NELL1: variants seen among roughly 807,000 people sequenced by gnomAD.
NELL1 encodes the protein neural EGFL like 1, also known as protein kinase C-binding protein NELL1.
In NELL1, 76 loss-of-function variants were observed where a neutral mutation model predicts 107.4. The observed-to-expected ratio is 0.71, with a 90% CI of 0.59 to 0.86. The LOEUF (loss-of-function observed/expected upper bound fraction) is 0.86, where lower values mean the gene tolerates loss of function less well. NELL1 is among the 40% of genes least tolerant of loss of function. The pLI, the probability that NELL1 is intolerant of heterozygous loss-of-function variation, is 0.00. For missense variants in NELL1, 1,024 were observed against 1,005.5 expected (o/e 1.02, Z -0.25); for synonymous variants, 353 against 341.2 (o/e 1.03, Z -0.38).
intron 2 of NELL1, among the ~76,000 whole-genome samples, chr11:20,684,187 G>A (rs1260029295): frequency 2.0e-5 from 3 of 151,714 alleles, no homozygotes; most frequent in Non-Finnish European, 4.4e-5. Context: ...CAGGAGGATT[G>A]CTTGAGTCCA....
At chr11:20,999,667 C>CTTCCA (rs1852171853) in intron 12 of NELL1, among the ~76,000 whole-genome samples, 1 of 151,328 alleles carries the variant, frequency 6.6e-6, no homozygotes, top group Non-Finnish European at 1.5e-5. Flanking sequence ...TCATATGTAT[C>CTTCCA]TTCCAGACCT....
chr11:20,945,466 G>A (rs1218064367), intron 10 of NELL1, among the ~76,000 whole-genome samples: 1 of 152,244 alleles, frequency 6.6e-6, no homozygotes, highest in Admixed American at 6.5e-5. Flanking sequence ...CTCTGAGAGT[G>A]ACAGAGGTGA....
At chr11:21,557,314 T>C (rs772254838) in intron 16 of NELL1, among the ~76,000 whole-genome samples, 3 of 152,098 alleles carry the variant, frequency 2.0e-5, no homozygotes, top group Non-Finnish European at 4.4e-5. Flanking sequence ...GCCCTGCTTT[T>C]ATTGTGCACA....
Position 21,548,652 on chromosome 11 carries a change from G to T in NELL1, c.1787-11537G>T, listed in dbSNP as rs1032518619. Among the ~76,000 whole-genome samples the T allele has an allele frequency of 2.6e-5, 4 of 151,764 alleles. No individual in the cohort carries two copies. The South Asian group carries it at 8.3e-4, about 32-fold the overall frequency. Reference sequence around the variant, plus strand: ...ATGGGAGCTACAAGACGAGATTTGGGTAGGGACCCAGAGCCAAACCATATC... The same window carrying T: ...ATGGGAGCTACAAGACGAGATTTGGTTAGGGACCCAGAGCCAAACCATATC... On this transcript the variant is annotated intron_variant, in intron 16 of 19. Coordinates refer to ENST00000357134, the MANE Select transcript of NELL1 (RefSeq NM_006157.5).
intron 13 of NELL1, among the ~76,000 whole-genome samples, chr11:21,175,340 T>C (rs533714450): frequency 8.1e-4 from 123 of 151,916 alleles, no homozygotes; most frequent in Non-Finnish European, 1.1e-3. Context: ...TCTCTTTTTT[T>C]CTAACTCGAG....
At chr11:21,186,145 T>G (rs113934342) in intron 13 of NELL1, among the ~76,000 whole-genome samples, 2,133 of 151,874 alleles carry the variant, frequency 0.014, 99 homozygotes, top group African/African-American at 0.048. Context: ...TGAGCTTAGG[T>G]CACATGATGG....
chr11:21,384,344 C>A (rs1851683884), intron 15 of NELL1, among the ~76,000 whole-genome samples: 2 of 151,952 alleles, frequency 1.3e-5, no homozygotes, highest in Admixed American at 1.3e-4. Flanking sequence ...GCCCACCTGC[C>A]TATTAAATTT....
intron 4 of NELL1, among the ~76,000 whole-genome samples, chr11:20,866,151 G>A (rs1236141908): frequency 2.0e-5 from 3 of 152,190 alleles, no homozygotes; most frequent in South Asian, 2.1e-4. Context: ...TCTGTGATGC[G>A]CAAGGAGCTT....
intron 2 of NELL1, among the ~76,000 whole-genome samples, chr11:20,700,130 A>C (rs1353580558): frequency 6.9e-6 from 1 of 145,614 alleles, no homozygotes; most frequent in Admixed American, 6.8e-5. Context: ...TTTAGAAAAA[A>C]CAAAAACAAA....
intron 16 of NELL1, 107 bp downstream of exon 16, chr11:21,534,621 G>A: frequency 8.5e-7 from 1 of 1,181,512 alleles, no homozygotes; most frequent in Admixed American, 2.1e-5. Context: ...ACCATTCATT[G>A]GTTAAATGCA....
intron 13 of NELL1, among the ~76,000 whole-genome samples, chr11:21,216,233 A>G (rs536421493): frequency 1.3e-5 from 2 of 152,340 alleles, no homozygotes; most frequent in South Asian, 4.1e-4. Flanking sequence ...CCTAGATTTC[A>G]GAGGATATAT....
intron 15 of NELL1, among the ~76,000 whole-genome samples, chr11:21,403,062 G>T (rs778907704): frequency 1.3e-5 from 2 of 151,748 alleles, no homozygotes; most frequent in Non-Finnish European, 2.9e-5. Flanking sequence ...GGAGGGCACT[G>T]TTTGCTGCTG....
chr11:21,280,421 G>A (rs1848967388), intron 14 of NELL1, among the ~76,000 whole-genome samples: 1 of 152,186 alleles, frequency 6.6e-6, no homozygotes, highest in Non-Finnish European at 1.5e-5. Flanking sequence ...ACTGAAAGAG[G>A]TATTGAAGAG....
intron 5 of NELL1, among the ~76,000 whole-genome samples, chr11:20,896,238 G>A (rs966140025): frequency 8.5e-4 from 130 of 152,170 alleles, no homozygotes; most frequent in African/African-American, 3.0e-3. Context: ...TACAATATTT[G>A]GTTTTCCATT....
At chr11:21,539,394 G>GA (rs1856231657) in intron 16 of NELL1, among the ~76,000 whole-genome samples, 1 of 152,066 alleles carries the variant, frequency 6.6e-6, no homozygotes, top group East Asian at 2.0e-4. Flanking sequence ...CAGAGGGCCA[G>GA]TGTGACGGCT....
chr11:20,718,434 C>A (rs1170763215), intron 2 of NELL1, among the ~76,000 whole-genome samples: 2 of 150,762 alleles, frequency 1.3e-5, no homozygotes, highest in African/African-American at 4.9e-5. Flanking sequence ...GATAGGATGG[C>A]CTGTTTAGGG....
chr11:20,847,608 C>T lies in NELL1; in HGVS notation c.361C>T (p.Leu121=). Residue 121 remains leucine, a synonymous_variant, in exon 4 of 20, where the codon CTG becomes TTG. Transcript: ENST00000357134. ...CTATTTTGAACTGGAGAGCAGTGGC[C>T]TGAGGGATGAGATTCGGTATCACTA... ...HSYFELESSG[L]RDEIRYHYIH... 1 of 1,613,504 alleles carries T rather than the reference C, an allele frequency of 6.2e-7. No homozygotes were observed. The highest frequency in any genetic ancestry group is 8.5e-7 in the Non-Finnish European group (1 of 1,179,718).
intron 15 of NELL1, among the ~76,000 whole-genome samples, chr11:21,394,047 C>T (rs10833523): frequency 0.32 from 48,669 of 151,364 alleles, 8,042 homozygotes; most frequent in Non-Finnish European, 0.35. Flanking sequence ...ATCAGATATA[C>T]GCAAGGGCAC....
At chr11:21,250,919 T>G (rs1858621532) in intron 14 of NELL1, among the ~76,000 whole-genome samples, 1 of 152,144 alleles carries the variant, frequency 6.6e-6, no homozygotes, top group Non-Finnish European at 1.5e-5. Context: ...GGGAAGCTCT[T>G]GAATTTGTAA....
Sources: allele counts gnomAD v4.1 joint callset (sites outside exome capture counted in the v4.1 genomes callset), GRCh38; gene constraint gnomAD v4.1.1; transcripts MANE v1.5; gene names NCBI Gene and HGNC (gene_info 2026-07-23, HGNC 2026-07-21).